Variants in FAM135B observed in about 807,000 individuals in gnomAD.
The protein encoded by FAM135B is protein FAM135B.
Under a neutral mutation model 127.7 loss-of-function variants are expected in FAM135B, and 43 were observed. That is an observed-to-expected ratio of 0.34 (90% CI 0.26 to 0.43). The LOEUF is 0.43. FAM135B is among the 20% of genes least tolerant of loss of function. FAM135B has a pLI of 1.00. For missense variants in FAM135B, 1,558 were observed against 1,725.6 expected, an observed-to-expected ratio of 0.90 and a Z score of 1.72; for synonymous variants, 670 against 665.1, an observed-to-expected ratio of 1.01 and a Z score of -0.11.
chr8:138,435,798 T>A (rs981057406), intron 1 of FAM135B, among the ~76,000 whole-genome samples: 1 of 152,214 alleles, frequency 6.6e-6, no homozygotes, highest in African/African-American at 2.4e-5. Flanking sequence ...GCAGATTTTA[T>A]CCTATCACCC....
At chr8:138,317,116 T>C (rs1207061441) in intron 2 of FAM135B, among the ~76,000 whole-genome samples, 1 of 152,100 alleles carries the variant, frequency 6.6e-6, no homozygotes, top group Non-Finnish European at 1.5e-5. Flanking sequence ...TCCACAATAC[T>C]AAAAACTGAA....
intron 1 of FAM135B, among the ~76,000 whole-genome samples, chr8:138,470,880 C>A (rs1471628492): frequency 6.6e-6 from 1 of 152,198 alleles, no homozygotes; most frequent in Non-Finnish European, 1.5e-5. Flanking sequence ...CAATTTCTCA[C>A]TTATTTTATA....
At chr8:138,454,498 C>T (rs367574828) in intron 1 of FAM135B, among the ~76,000 whole-genome samples, 4 of 152,316 alleles carry the variant, frequency 2.6e-5, no homozygotes, top group Middle Eastern at 3.4e-3. Context: ...GAACCACCTA[C>T]GAAACAGAGG....
intron 1 of FAM135B, among the ~76,000 whole-genome samples, chr8:138,376,559 A>G (rs1227564327): frequency 6.6e-6 from 1 of 151,914 alleles, no homozygotes; most frequent in African/African-American, 2.4e-5. Context: ...GGCATTGTAT[A>G]CTCCATCAAC....
intron 7 of FAM135B, among the ~76,000 whole-genome samples, chr8:138,216,174 G>C (rs2129947896): frequency 6.6e-6 from 1 of 152,294 alleles, no homozygotes; most frequent in Middle Eastern, 3.4e-3. Context: ...CAGTGGAATG[G>C]TGGCAGTGAG....
Position 138,141,693 on chromosome 8 carries a change from C to T in FAM135B, c.3639-344G>A, listed in dbSNP as rs564968294. Among the ~76,000 whole-genome samples the T allele has an allele frequency of 1.3e-5, 2 of 152,274 alleles. No individual in the cohort carries two copies. The highest frequency in any genetic ancestry group is 4.8e-5 in the African/African-American group (2 of 41,560). ...CCTCTGAGCATTGAAATCTCCTGGT[C>T]ATTCACAGGATCAAGTCCCAAGTCC... On this transcript the variant is annotated intron_variant, in intron 16 of 19. Transcript: ENST00000395297. This position sits in a 1 kb window ranked among gnomAD's most constrained non-coding sequence, Gnocchi z 4.7.
At chr8:138,378,477 A>C (rs1003428795) in intron 1 of FAM135B, among the ~76,000 whole-genome samples, 1 of 152,242 alleles carries the variant, frequency 6.6e-6, no homozygotes, top group Non-Finnish European at 1.5e-5. Flanking sequence ...ATGATAAAGA[A>C]GCAAACCTAA....
At position 138,425,996 on chromosome 8, in the gene FAM135B, T is replaced by TATATATAC. The variant is rs1834833378; in HGVS notation, c.-19-57995_-19-57994insGTATATAT. 1.2e-4 allele frequency among the ~76,000 whole-genome samples: 2 copies of TATATATAC among 16,304 alleles called. 1 individual carries two copies. Among genetic ancestry groups the TATATATAC allele is most frequent in the African/African-American group, 1.2e-3 (2 of 1,602 alleles). The allele number at this position is 16,304 out of a possible 152,430, so 10.7% of individuals were successfully genotyped here. A position where few individuals can be genotyped will look rare whatever the true frequency, so the allele number is the denominator to read the frequency against. ...ATATATATATATATATATATATATATATATATATATATATATACACACACA... is the reference window on the plus strand; with the variant it reads ...ATATATATATATATATATATATATATATATATACATATATATATATATATACACACACA... On this transcript the variant is annotated intron_variant, in intron 1 of 19. Coordinates refer to ENST00000395297, the MANE Select transcript of FAM135B (RefSeq NM_015912.4).
intron 12 of FAM135B, among the ~76,000 whole-genome samples, chr8:138,160,068 ACT>A (rs1204217195): frequency 1.3e-5 from 2 of 151,852 alleles, no homozygotes; most frequent in Non-Finnish European, 2.9e-5. Context: ...CCCGATAAAC[ACT>A]CTGAATTCTG....
intron 7 of FAM135B, among the ~76,000 whole-genome samples, chr8:138,229,828 C>T (rs568688990): frequency 5.9e-5 from 9 of 152,232 alleles, no homozygotes; most frequent in East Asian, 3.9e-4. Context: ...GCTGAGAGAA[C>T]GGGGAAGACC....
intron 1 of FAM135B, among the ~76,000 whole-genome samples, chr8:138,402,062 G>C (rs538398076): frequency 1.3e-5 from 2 of 152,214 alleles, no homozygotes; most frequent in African/African-American, 4.8e-5. Context: ...GACAGAGACA[G>C]AGAGTGAGAA....
At chr8:138,133,237 T>C (rs7461621) in intron 19 of FAM135B, among the ~76,000 whole-genome samples, 123,657 of 152,176 alleles carry the variant, frequency 0.81, 50,576 homozygotes, top group East Asian at 1. Flanking sequence ...ATGGAAGCCA[T>C]GTGGCATTTC....
intron 1 of FAM135B, among the ~76,000 whole-genome samples, chr8:138,494,740 A>G (rs1347527693): frequency 6.6e-6 from 1 of 152,102 alleles, no homozygotes; most frequent in Non-Finnish European, 1.5e-5. Context: ...ATTACAGAGC[A>G]GAGTTGGATG....
intron 1 of FAM135B, among the ~76,000 whole-genome samples, chr8:138,485,318 T>C (rs979502946): frequency 6.6e-6 from 1 of 151,804 alleles, no homozygotes; most frequent in Non-Finnish European, 1.5e-5. Context: ...GGTCCCAGAG[T>C]CTTCCCTAAT....
Position 138,160,873 on chromosome 8 carries a change from T to C in FAM135B, c.1258+7022A>G, listed in dbSNP as rs149730858. Among the ~76,000 whole-genome samples, 59 of 152,302 alleles carry C rather than the reference T, an allele frequency of 3.9e-4. No individual in the cohort carries two copies. The East Asian group carries it at 9.8e-3, about 25-fold the overall frequency. ...GTGTAATAATCCCCATTTGTAAATA[T>C]CAAAGCATTTCTCCATCTTATGCAC... On this transcript the variant is annotated intron_variant, in intron 12 of 19. Coordinates refer to ENST00000395297, the MANE Select transcript of FAM135B (RefSeq NM_015912.4).
intron 2 of FAM135B, among the ~76,000 whole-genome samples, chr8:138,336,641 G>A (rs1400829587): frequency 6.6e-6 from 1 of 152,098 alleles, no homozygotes; most frequent in Non-Finnish European, 1.5e-5. Flanking sequence ...AAAAAGTCCA[G>A]GACCAGATGG....
At chr8:138,406,341 C>T (rs1217260967) in intron 1 of FAM135B, among the ~76,000 whole-genome samples, 2 of 152,136 alleles carry the variant, frequency 1.3e-5, no homozygotes, top group Admixed American at 1.3e-4. Flanking sequence ...CAGGGAGGAA[C>T]TGGTACCATT....
chr8:138,329,657 G>A (rs1431443055), intron 2 of FAM135B, among the ~76,000 whole-genome samples: 1 of 152,144 alleles, frequency 6.6e-6, no homozygotes, highest in Non-Finnish European at 1.5e-5. Context: ...AGCAGGTAGA[G>A]TGAGGATTCT....
At chr8:138,337,510 T>A (rs1828695712) in intron 2 of FAM135B, among the ~76,000 whole-genome samples, 1 of 151,558 alleles carries the variant, frequency 6.6e-6, no homozygotes, top group Non-Finnish European at 1.5e-5. Context: ...CATTCACAAT[T>A]GCTTCAAAGA....
Sources: gnomAD v4.1 joint callset for allele counts (sites outside exome capture counted in the v4.1 genomes callset) on GRCh38, gnomAD v4.1.1 for gene constraint, Gnocchi (gnomAD v3.1) non-coding constraint, MANE v1.5 for transcripts, NCBI Gene and HGNC (gene_info 2026-07-23, HGNC 2026-07-21) for gene names.